Variants in NEBL observed in about 807,000 individuals in gnomAD.
The protein encoded by NEBL is nebulette.
In NEBL, 122 loss-of-function variants were observed where a neutral mutation model predicts 140.2. That is an observed-to-expected ratio of 0.87 (90% CI 0.75 to 1.01). The LOEUF (loss-of-function observed/expected upper bound fraction) is 1.01, where lower values mean the gene tolerates loss of function less well. Among genes scored for constraint, NEBL ranks in the 50% least tolerant of loss-of-function variants. The pLI is 0.00. For missense variants in NEBL, 1,365 were observed against 1,231.3 expected (o/e 1.11, Z -1.62); for synonymous variants, 436 against 398.9 (o/e 1.09, Z -1.11).
In NEBL at chr10:20,850,521, A is replaced by C; in HGVS notation, c.1009-19T>G. 1 of 1,501,184 alleles carries C rather than the reference A, an allele frequency of 6.7e-7. No individual in the cohort carries two copies. Among genetic ancestry groups the C allele is most frequent in the Non-Finnish European group, 9.3e-7 (1 of 1,079,012 alleles). 93.0% of individuals were successfully genotyped at this position (1,501,184 alleles called of 1,614,324 possible). A position where few individuals can be genotyped will look rare whatever the true frequency, so the allele number is the denominator to read the frequency against. ...ATTTCACCTTCATTGGAAAAAGAAAAGCATATACAAATCGAAAGTCCTTAT... is the reference window on the plus strand; with the variant it reads ...ATTTCACCTTCATTGGAAAAAGAAACGCATATACAAATCGAAAGTCCTTAT... On this transcript the variant is annotated intron_variant, in intron 10 of 27. Transcript: ENST00000377122.
At chr10:20,823,548 G>A (rs762046922) in intron 18 of NEBL, among the ~76,000 whole-genome samples, 13 of 151,958 alleles carry the variant, frequency 8.6e-5, no homozygotes, top group African/African-American at 2.2e-4. Context: ...ATAAGCAAAT[G>A]TTGCTTATAA....
chr10:20,992,857 A>G (rs1173721983), intron 3 of NEBL, among the ~76,000 whole-genome samples: 1 of 137,852 alleles, frequency 7.3e-6, no homozygotes, highest in African/African-American at 2.9e-5. Flanking sequence ...TGCTCACTGC[A>G]AGCTCCGCCT....
chr10:21,178,632 C>T (rs1171950891), upstream of NEBL, among the ~76,000 whole-genome samples: 1 of 152,208 alleles, frequency 6.6e-6, no homozygotes, highest in Non-Finnish European at 1.5e-5. Context: ...CTTTGGCATA[C>T]ATGCTGAAAA....
intron 3 of NEBL, among the ~76,000 whole-genome samples, chr10:21,234,986 C>A (rs1318273177): frequency 2.6e-5 from 4 of 152,164 alleles, no homozygotes; most frequent in South Asian, 2.1e-4. Context: ...AGAACAAGAG[C>A]CAGGAAGCAA....
chr10:21,284,583 T>C lies in NEBL; in HGVS notation n.182+8247A>G, dbSNP rs190423807. 6.6e-5 allele frequency among the ~76,000 whole-genome samples: 10 copies of C among 152,320 alleles called. No individual in the cohort carries two copies. The East Asian group carries it at 1.9e-3, about 29-fold the overall frequency. Reference sequence around the variant, plus strand: ...ATTTTAGAACTAACTCTTAATTGTGTTTTTATTTAATATGGATAGCACACA... The same window carrying C: ...ATTTTAGAACTAACTCTTAATTGTGCTTTTATTTAATATGGATAGCACACA... On this transcript the variant is annotated intron_variant and non_coding_transcript_variant, in intron 1 of 8. Coordinates refer to the NEBL transcript ENST00000675702.
At chr10:20,851,836 T>C (rs1588802441) in intron 10 of NEBL, among the ~76,000 whole-genome samples, 1 of 152,130 alleles carries the variant, frequency 6.6e-6, no homozygotes, top group African/African-American at 2.4e-5. Context: ...TTTTTAGAAA[T>C]GATGTATATT....
intron 3 of NEBL, among the ~76,000 whole-genome samples, chr10:21,018,914 G>A (rs1041152201): frequency 3.9e-5 from 6 of 152,176 alleles, no homozygotes; most frequent in African/African-American, 1.4e-4. Flanking sequence ...TGTAATCCCA[G>A]CTATTGGGGA....
intron 20 of NEBL, among the ~76,000 whole-genome samples, chr10:20,817,959 A>G (rs1838902214): frequency 1.3e-5 from 2 of 152,202 alleles, no homozygotes; most frequent in South Asian, 2.1e-4. Flanking sequence ...AAATAAAAGT[A>G]ATGGAATCAT....
intron 4 of NEBL, among the ~76,000 whole-genome samples, chr10:20,941,928 G>T (rs1834890871): frequency 6.6e-6 from 1 of 152,046 alleles, no homozygotes; most frequent in Non-Finnish European, 1.5e-5. Flanking sequence ...ACTGCTCAAT[G>T]AAATAAAAGA....
chr10:21,142,105 C>G (rs558800329), intron 2 of NEBL, among the ~76,000 whole-genome samples: 2 of 152,152 alleles, frequency 1.3e-5, no homozygotes, highest in Non-Finnish European at 2.9e-5. Flanking sequence ...CTTGTAGGAA[C>G]AACAATTCTC....
chr10:21,245,415 G>A (rs1416394816), intron 3 of NEBL, among the ~76,000 whole-genome samples: 2 of 152,198 alleles, frequency 1.3e-5, no homozygotes, highest in Non-Finnish European at 2.9e-5. Context: ...AATGATAAAT[G>A]TTATCTATCA....
intron 26 of NEBL, among the ~76,000 whole-genome samples, chr10:20,797,019 G>C (rs921755001): frequency 2.0e-5 from 3 of 152,148 alleles, no homozygotes; most frequent in African/African-American, 7.2e-5. Context: ...GCAGTTCTTC[G>C]ATAAGGGGAA....
intron 3 of NEBL, among the ~76,000 whole-genome samples, chr10:20,965,844 G>T (rs1236696045): frequency 6.6e-6 from 1 of 152,144 alleles, no homozygotes; most frequent in Non-Finnish European, 1.5e-5. Context: ...CTTGGGCCCA[G>T]CCTCAGGGCC....
intron 2 of NEBL, among the ~76,000 whole-genome samples, chr10:21,103,800 T>G (rs992392142): frequency 6.6e-6 from 1 of 152,234 alleles, no homozygotes; most frequent in Non-Finnish European, 1.5e-5. Flanking sequence ...TTTCATAAAG[T>G]CAATGTATCC....
intron 5 of NEBL, among the ~76,000 whole-genome samples, chr10:20,876,825 T>C (rs1845544484): frequency 6.6e-6 from 1 of 152,194 alleles, no homozygotes; most frequent in Admixed American, 6.5e-5. Flanking sequence ...GGGCTTTCAT[T>C]ATAAGCCCAT....
At chr10:21,147,671 G>A (rs1489239181) in intron 2 of NEBL, among the ~76,000 whole-genome samples, 3 of 152,150 alleles carry the variant, frequency 2.0e-5, no homozygotes, top group Non-Finnish European at 2.9e-5. Context: ...AGAAGAATCC[G>A]CCTCCACGGA....
intron 2 of NEBL, chr10:21,171,994 T>C (rs1841094320): frequency 3.8e-6 from 1 of 262,330 alleles, no homozygotes; most frequent in Non-Finnish European, 7.5e-6. Context: ...GGTTCAGGTA[T>C]GAAATTGCAG....
At chr10:20,842,401 A>T (rs546125133) in intron 12 of NEBL, among the ~76,000 whole-genome samples, 2 of 151,896 alleles carry the variant, frequency 1.3e-5, no homozygotes, top group Non-Finnish European at 2.9e-5. Context: ...ATCATAGGAA[A>T]TGAAGTATAA....
chr10:20,873,508 A>AAGAG (rs1845185385), intron 5 of NEBL, among the ~76,000 whole-genome samples: 1 of 152,146 alleles, frequency 6.6e-6, no homozygotes, highest in African/African-American at 2.4e-5. Context: ...GAGGAGGAAG[A>AAGAG]AGAAAGAAAG....
Sources: allele counts gnomAD v4.1 joint callset (sites outside exome capture counted in the v4.1 genomes callset), GRCh38; gene constraint gnomAD v4.1.1; transcripts MANE v1.5; gene names NCBI Gene and HGNC (gene_info 2026-07-23, HGNC 2026-07-21).